Variants in BTN3A1 observed in about 807,000 individuals in gnomAD.
The protein encoded by BTN3A1 is dJ45P21.3 (butyrophilin, subfamily 3, member A1).
Under a neutral mutation model 43.0 loss-of-function variants are expected in BTN3A1, and 24 were observed. The observed-to-expected ratio is 0.56, with a 90% confidence interval of 0.40 to 0.78. BTN3A1 has a LOEUF of 0.78. BTN3A1 is among the 30% of genes least tolerant of loss of function. The probability of loss-of-function intolerance (pLI) is 0.00; values close to 1 mark genes in which losing one functional copy is unlikely to be tolerated. For missense variants in BTN3A1, 533 were observed against 626.2 expected (o/e 0.85, Z 1.59); for synonymous variants, 181 against 234.7 (o/e 0.77, Z 2.09).
At chr6:26,409,868 C>A in intron 5 of BTN3A1, 26 bp from the exon 6 acceptor site, 1 of 1,614,094 alleles carries the variant, frequency 6.2e-7, no homozygotes, top group Non-Finnish European at 8.5e-7. Flanking sequence ...TGTAACAGTT[C>A]ATTATTATTT....
chr6:26,412,752 T>C (rs1307278999), intron 9 of BTN3A1: 1 of 1,551,260 alleles, frequency 6.4e-7, no homozygotes, highest in African/African-American at 1.4e-5. Flanking sequence ...ATAAATTGGA[T>C]GTATGGAAAA....
At chr6:26,406,566 G>A (rs1174526113) in intron 3 of BTN3A1, among the ~76,000 whole-genome samples, 1 of 152,208 alleles carries the variant, frequency 6.6e-6, no homozygotes, top group Non-Finnish European at 1.5e-5. Flanking sequence ...ACAGTCATTC[G>A]TGTTTAGTTC....
intron 7 of BTN3A1, 109 bp from the exon 8 acceptor site, chr6:26,411,000 T>TAAAAAAAAAAAAAACAAAAAA (rs1762195541): frequency 3.0e-6 from 1 of 333,128 alleles, no homozygotes; most frequent in Admixed American, 7.2e-5. Context: ...ATACAGGTGG[T>TAAAAAAAAAAAAAACAAAAAA]AAAAAAAAAA....
rs2113777831 is a variant in BTN3A1, at chr6:26,402,410, G to C, written c.-195G>C. The C allele has an allele frequency of 6.6e-6, 1 of 152,402 alleles. No homozygotes were observed. The highest frequency in any genetic ancestry group is 2.1e-4 in the South Asian group (1 of 4,828). 9.4% of individuals were successfully genotyped at this position (152,402 alleles called of 1,614,324 possible). On this transcript the variant is annotated splice_region_variant and 5_prime_UTR_variant, in exon 1 of 10. Coordinates refer to ENST00000289361, the MANE Select transcript of BTN3A1 (RefSeq NM_007048.6). ...TGTGATTTTCAGAGGGGAATGCTAA[G>C]AGGTGAGTGGGGGAAGTCGATTAGA...
chr6:26,406,584 G>T (rs1416679610), intron 3 of BTN3A1, among the ~76,000 whole-genome samples: 1 of 152,230 alleles, frequency 6.6e-6, no homozygotes, highest in African/African-American at 2.4e-5. Context: ...TTCTGTACTG[G>T]ATGGCTTCTG....
At chr6:26,412,797 T>G (rs925919730) in intron 9 of BTN3A1, 24 of 1,551,058 alleles carry the variant, frequency 1.5e-5, no homozygotes, top group Non-Finnish European at 2.1e-5. Context: ...ATTTAGCTCA[T>G]GAGTGGTCGA....
chr6:26,407,582 A>T, intron 3 of BTN3A1, 89 bp from the exon 4 acceptor site: 1 of 1,461,916 alleles, frequency 6.8e-7, no homozygotes, highest in Non-Finnish European at 9.3e-7. Flanking sequence ...TTGTTCTTGA[A>T]TTATGGAATG....
chr6:26,407,871 G>A lies in BTN3A1; in HGVS notation c.634G>A (p.Gly212Ser). 6.2e-7 allele frequency: 1 copy of A among 1,614,250 alleles called. No homozygotes were observed. The highest frequency in any genetic ancestry group is 8.5e-7 in the Non-Finnish European group (1 of 1,180,050). Residue 212 changes from glycine to serine, a missense_variant, in exon 4 of 10, where the codon GGC (glycine) becomes AGC (serine). Around this residue, in one of 4 missense-constraint regions of BTN3A1, gnomAD observed 415 missense variants for 427.0 expected, o/e 0.97. Transcript: ENST00000289361. Reference protein sequence around the residue: ...YAVAASVIMRGSSGEGVSCTI... With the variant: ...YAVAASVIMRSSSGEGVSCTI... Reference sequence around the variant, plus strand: ...AGTAGCAGCATCTGTGATCATGAGAGGCAGCTCTGGGGAGGGTGTATCCTG... The same window carrying A: ...AGTAGCAGCATCTGTGATCATGAGAAGCAGCTCTGGGGAGGGTGTATCCTG...
rs1179412309 is a variant in BTN3A1, at chr6:26,413,829, A to C, written c.*137A>C. ...TTCTCTGCTTCTCCCTGCCCAGCTC[A>C]GAGCTGAGGGCCTCCCCCTCCACAG... On this transcript the variant is annotated 3_prime_UTR_variant, in exon 10 of 10. Transcript: ENST00000289361. 2.6e-6 allele frequency: 4 copies of C among 1,554,156 alleles called. No homozygotes were observed. Among genetic ancestry groups the C allele is most frequent in the African/African-American group, 1.4e-5 (1 of 73,824 alleles).
rs1186914628 is a variant in BTN3A1 at position 26,414,604 on chromosome 6, A to G, written c.*912A>G. ...TGCAGCCAGAGCCAGCCTTCCTTCA[A>G]TCAAGGTTTCCAGGCAGAGCAAATA... On this transcript the variant is annotated 3_prime_UTR_variant, in exon 10 of 10. Transcript: ENST00000289361. 6.6e-6 allele frequency: 1 copy of G among 152,196 alleles called. No individual in the cohort carries two copies. Among genetic ancestry groups the G allele is most frequent in the East Asian group, 1.9e-4 (1 of 5,192 alleles). 9.4% of individuals were successfully genotyped at this position (152,196 alleles called of 1,614,324 possible).
At position 26,409,697 on chromosome 6, in the gene BTN3A1, G is replaced by T. The variant is rs376287137; in HGVS notation, c.880G>T (p.Ala294Ser). ...KKREQELREM[A>S]WSTMKQEQST... ...GAGAGAGCAAGAGTTGAGAGAAATG[G>T]CATGGAGCACAATGAAGCAAGAACA... is the stretch of plus-strand genomic sequence containing the variant. Residue 294 changes from alanine to serine, a missense_variant, in exon 5 of 10, where the codon GCA (alanine) becomes TCA (serine). Ala to Ser is a moderately conservative substitution (Grantham distance 99). Around this residue, in one of 4 missense-constraint regions of BTN3A1, gnomAD observed 415 missense variants for 427.0 expected, o/e 0.97. Transcript: ENST00000289361. The T allele has an allele frequency of 9.6e-5, 152 of 1,584,200 alleles. No individual in the cohort carries two copies. The highest frequency in any genetic ancestry group is 1.2e-4 in the Non-Finnish European group (144 of 1,168,446).
chr6:26,412,616 G>A lies in BTN3A1; in HGVS notation c.1019-553G>A, dbSNP rs147951254. On this transcript the variant is annotated intron_variant, in intron 9 of 9. Transcript: ENST00000289361. ...CTTGCAGCTATCAGGAAGATGAGGA[G>A]CTTCCTTCATGGCCTGCTGTGGGCT... 6.4e-3 allele frequency: 9,954 copies of A among 1,547,606 alleles called. 45 individuals are homozygous for A. Among genetic ancestry groups the A allele is most frequent in the African/African-American group, 0.019 (1,415 of 72,938 alleles).
At chr6:26,410,700 C>T (rs972580414) in intron 7 of BTN3A1, among the ~76,000 whole-genome samples, 3 of 151,448 alleles carry the variant, frequency 2.0e-5, no homozygotes, top group South Asian at 2.1e-4. Flanking sequence ...CTTGCAAACA[C>T]ACACACACAC....
chr6:26,411,090 T>C lies in BTN3A1; in HGVS notation c.965-19T>C. ...AAATGGCAAGTTCAGGTGACATCTC[T>C]ATCTTTTTTTCATTGTAGGGGGAGA... On this transcript the variant is annotated intron_variant, in intron 7 of 9. Transcript: ENST00000289361. 1 of 1,602,058 alleles carries C rather than the reference T, an allele frequency of 6.2e-7. No individual in the cohort carries two copies.
At chr6:26,410,191 G>GA (rs397942735) in intron 7 of BTN3A1, among the ~76,000 whole-genome samples, 159 bp downstream of exon 7, 25,025 of 126,322 alleles carry the variant, frequency 0.2, 2,120 homozygotes, top group South Asian at 0.27. Flanking sequence ...TTGCCAAAAA[G>GA]AAAAAAAAAA....
In BTN3A1 at chr6:26,410,756, CAT is replaced by C. The variant is rs571071851; in HGVS notation, c.965-346_965-345del. Among the ~76,000 whole-genome samples, 1,025 of 149,612 alleles carry C rather than the reference CAT, an allele frequency of 6.9e-3. 6 individuals carry two copies. Among genetic ancestry groups the C allele is most frequent in the African/African-American group, 0.02 (824 of 40,848 alleles). On this transcript the variant is annotated intron_variant, in intron 7 of 9. Coordinates refer to ENST00000289361, the MANE Select transcript of BTN3A1 (RefSeq NM_007048.6). ...ATATACACATATATACATATATACA[CAT>C]ATATATGTGCATATATATGTATATA...
rs779651059 is a variant in BTN3A1 at position 26,412,569 on chromosome 6, T to C, written c.1019-600T>C. 132 of 1,547,752 alleles carry C rather than the reference T, an allele frequency of 8.5e-5. No individual in the cohort carries two copies. In the East Asian group the frequency reaches 1.8e-3, roughly 21 times the overall value. On this transcript the variant is annotated intron_variant, in intron 9 of 9. Transcript: ENST00000289361. ...AATCTAGGGCATATAAGGCACCACA[T>C]AGAGCCCAGCACAGAGACGGCCTTG...
intron 3 of BTN3A1, among the ~76,000 whole-genome samples, chr6:26,406,831 G>A (rs1762036086): frequency 6.6e-6 from 1 of 152,228 alleles, no homozygotes. Flanking sequence ...GGGGATTTGG[G>A]AGGAGGGTTT....
Position 26,413,409 on chromosome 6 carries a change from G to T in BTN3A1, c.1259G>T (p.Gly420Val). Reference protein sequence around the residue: ...GVCSKNVQRKGWVKMTPENGF... With the variant: ...GVCSKNVQRKVWVKMTPENGF... ...TGCAGTAAGAATGTGCAGAGAAAAGGCTGGGTCAAAATGACACCTGAGAAT... is the reference window on the plus strand; with the variant it reads ...TGCAGTAAGAATGTGCAGAGAAAAGTCTGGGTCAAAATGACACCTGAGAAT... Residue 420 changes from glycine to valine, a missense_variant, in exon 10 of 10, where the codon GGC (glycine) becomes GTC (valine). Transcript: ENST00000289361. 1.9e-6 allele frequency: 3 copies of T among 1,613,990 alleles called. No individual in the cohort carries two copies. The highest frequency in any genetic ancestry group is 2.5e-6 in the Non-Finnish European group (3 of 1,179,990).
Sources: allele counts gnomAD v4.1 joint callset (sites outside exome capture counted in the v4.1 genomes callset), GRCh38; gene constraint gnomAD v4.1.1; regional missense constraint gnomAD v4.1.1; transcripts MANE v1.5; gene names NCBI Gene and HGNC (gene_info 2026-07-23, HGNC 2026-07-21).